The following NUGGC variants were observed in gnomAD, a reference collection of about 807,000 sequenced individuals.
The protein encoded by NUGGC is nuclear GTPase SLIP-GC.
NUGGC carries 58 observed loss-of-function variants against 92.6 expected under a neutral mutation model. The observed-to-expected ratio is 0.63, with a 90% CI of 0.51 to 0.78. NUGGC has a LOEUF of 0.78. Ranked by LOEUF, NUGGC falls within the 30% of genes least tolerant of loss-of-function variation. The pLI is 0.00. For missense variants in NUGGC, 925 were observed against 964.6 expected (o/e 0.96, Z 0.54); for synonymous variants, 376 against 366.4 (o/e 1.03, Z -0.30).
intron 10 of NUGGC, among the ~76,000 whole-genome samples, chr8:28,054,313 C>G (rs1426039091): frequency 2.6e-5 from 4 of 151,902 alleles, no homozygotes; most frequent in Non-Finnish European, 5.9e-5. Flanking sequence ...GAAACCTCAT[C>G]TCCACTAAAA....
intron 9 of NUGGC, among the ~76,000 whole-genome samples, chr8:28,057,415 C>T (rs1267028089): frequency 6.7e-6 from 1 of 148,234 alleles, no homozygotes; most frequent in African/African-American, 2.5e-5. Flanking sequence ...GATCTCGGCT[C>T]AGTGCAACCT....
intron 13 of NUGGC, among the ~76,000 whole-genome samples, chr8:28,037,405 C>A (rs916930679): frequency 6.6e-6 from 1 of 152,180 alleles, no homozygotes; most frequent in Non-Finnish European, 1.5e-5. Flanking sequence ...CCTGAAATGC[C>A]TTCCCTGCCC....
intron 9 of NUGGC, among the ~76,000 whole-genome samples, chr8:28,057,404 C>T (rs1472925579): frequency 6.8e-6 from 1 of 146,546 alleles, no homozygotes; most frequent in Non-Finnish European, 1.5e-5. Context: ...TGCAGTGGCG[C>T]GATCTCGGCT....
At chr8:28,045,321 C>T (rs1015120355) in intron 12 of NUGGC, among the ~76,000 whole-genome samples, 6 of 152,082 alleles carry the variant, frequency 3.9e-5, no homozygotes, top group Non-Finnish European at 5.9e-5. Context: ...CCCATCTGTC[C>T]CAGGTAAAAT....
intron 2 of NUGGC, among the ~76,000 whole-genome samples, chr8:28,072,405 A>G (rs1810612583): frequency 6.6e-6 from 1 of 152,252 alleles, no homozygotes; most frequent in African/African-American, 2.4e-5. Flanking sequence ...TCGAAAAAGC[A>G]TCTCAGAACT....
At chr8:28,059,441 T>C (rs919598422) in intron 8 of NUGGC, among the ~76,000 whole-genome samples, 1 of 152,188 alleles carries the variant, frequency 6.6e-6, no homozygotes, top group Non-Finnish European at 1.5e-5. Flanking sequence ...TACCTTTCAT[T>C]GTAATTTGTT....
At chr8:28,069,736 C>A (rs766424459) in intron 3 of NUGGC, 84 bp from the exon 4 acceptor site, 1 of 792,078 alleles carries the variant, frequency 1.3e-6, no homozygotes, top group African/African-American at 1.7e-5. Context: ...TGTTGAACAT[C>A]GCAGAGAAGG....
rs140298643 is a variant in NUGGC, at chr8:28,081,669, G to A, written c.-47+2106C>T. On this transcript the variant is annotated intron_variant, in intron 1 of 18. Transcript: ENST00000413272. ...TGAGCCGGGCAGATCATGAGGTCAGGAGTTTGAGACCATCCTGGCTAACTC... is the reference window on the plus strand; with the variant it reads ...TGAGCCGGGCAGATCATGAGGTCAGAAGTTTGAGACCATCCTGGCTAACTC... Among the ~76,000 whole-genome samples the A allele has an allele frequency of 5.5e-4, 84 of 152,238 alleles. No homozygotes were observed. In the East Asian group the frequency reaches 0.015, roughly 27 times the overall value.
In NUGGC at chr8:28,058,327, C is replaced by G. The variant is rs1000096130; in HGVS notation, c.1098-51G>C. 1.7e-5 allele frequency: 6 copies of G among 360,092 alleles called. 1 individual carries two copies. Among genetic ancestry groups the G allele is most frequent in the African/African-American group, 4.3e-5 (2 of 46,548 alleles). The allele number at this position is 360,092 out of a possible 1,614,324, so 22.3% of individuals were successfully genotyped here. A position where few individuals can be genotyped will look rare whatever the true frequency, so the allele number is the denominator to read the frequency against. On this transcript the variant is annotated intron_variant, in intron 8 of 18. Coordinates refer to ENST00000413272, the MANE Select transcript of NUGGC (RefSeq NM_001010906.2). ...CAATTACTTAATTTTTACTATGTGT[C>G]ACTGCAGTCTTTCGACTTTCCCCAA...
At chr8:28,031,096 T>C in intron 15 of NUGGC, 147 bp downstream of exon 15, 1 of 868,410 alleles carries the variant, frequency 1.2e-6, no homozygotes, top group Non-Finnish European at 1.8e-6. Context: ...TCCCACTGGG[T>C]TCTGTATTTC....
intron 9 of NUGGC, among the ~76,000 whole-genome samples, chr8:28,057,574 C>T (rs561920907): frequency 1.5e-4 from 23 of 152,040 alleles, no homozygotes; most frequent in Admixed American, 1.1e-3. Flanking sequence ...CTCCTGACCT[C>T]GTGATCCGCC....
chr8:28,054,595 C>T (rs989015597), intron 10 of NUGGC, among the ~76,000 whole-genome samples: 4 of 152,172 alleles, frequency 2.6e-5, no homozygotes, highest in Admixed American at 2.6e-4. Context: ...CAGGCCTTAT[C>T]CCTGTCCACT....
intron 6 of NUGGC, among the ~76,000 whole-genome samples, chr8:28,065,588 C>T (rs561466366): frequency 6.6e-6 from 1 of 152,230 alleles, no homozygotes; most frequent in Admixed American, 6.5e-5. Context: ...GACCACGGTT[C>T]CTACTTAAAC....
chr8:28,040,835 C>T (rs535369382), intron 13 of NUGGC, among the ~76,000 whole-genome samples: 133 of 152,154 alleles, frequency 8.7e-4, no homozygotes, highest in Admixed American at 1.6e-3. Context: ...TTAGTAGAGA[C>T]GGGGTTTCAC....
In NUGGC at chr8:28,022,579, T is replaced by C. The variant is rs146998815; in HGVS notation, c.*738A>G. 4 of 152,346 alleles carry C rather than the reference T, an allele frequency of 2.6e-5. No individual in the cohort carries two copies. In the East Asian group the frequency reaches 5.8e-4, roughly 22 times the overall value. The allele number at this position is 152,346 out of a possible 1,614,324, so 9.4% of individuals were successfully genotyped here. On this transcript the variant is annotated 3_prime_UTR_variant, in exon 19 of 19. Coordinates refer to ENST00000413272, the MANE Select transcript of NUGGC (RefSeq NM_001010906.2). ...ATGCAGTAAACATACTAGTTTTATA[T>C]TGCATGCAAAGTCCAAATAGTTGAG...
At chr8:28,057,458 C>T (rs1810175897) in intron 9 of NUGGC, among the ~76,000 whole-genome samples, 1 of 151,058 alleles carries the variant, frequency 6.6e-6, no homozygotes. Flanking sequence ...TGTCCTGCTT[C>T]AGCCTACTGA....
At chr8:28,047,320 G>A (rs571291642) in intron 11 of NUGGC, among the ~76,000 whole-genome samples, 187 bp downstream of exon 11, 34 of 152,152 alleles carry the variant, frequency 2.2e-4, no homozygotes, top group African/African-American at 8.2e-4. Context: ...GAGGCAAGAG[G>A]AACTGTGGTC....
intron 15 of NUGGC, among the ~76,000 whole-genome samples, chr8:28,030,818 G>C (rs1809399323): frequency 6.6e-6 from 1 of 152,112 alleles, no homozygotes; most frequent in African/African-American, 2.4e-5. Context: ...ACTAAAAATT[G>C]ACCTAAAATT....
intron 7 of NUGGC, among the ~76,000 whole-genome samples, chr8:28,063,311 G>A (rs1030864498): frequency 2.6e-5 from 4 of 152,202 alleles, no homozygotes; most frequent in Admixed American, 6.5e-5. Context: ...CAGATCTGCC[G>A]TCTTTGATAA....
Sources: gnomAD v4.1 joint callset for allele counts (sites outside exome capture counted in the v4.1 genomes callset) on GRCh38, gnomAD v4.1.1 for gene constraint, MANE v1.5 for transcripts, NCBI Gene and HGNC (gene_info 2026-07-23, HGNC 2026-07-21) for gene names.